GABRA5: variants seen among roughly 807,000 people sequenced by gnomAD.
GABRA5 encodes the protein gamma-aminobutyric acid type A receptor subunit alpha5.
A neutral mutation model predicts 47.3 loss-of-function variants in GABRA5; 18 were observed. The ratio of observed to expected loss-of-function variants is 0.38; its 90% CI spans 0.26 to 0.56. The LOEUF (loss-of-function observed/expected upper bound fraction) is 0.56, where lower values mean the gene tolerates loss of function less well. Among genes scored for constraint, GABRA5 ranks in the 20% least tolerant of loss-of-function variants. GABRA5 has a pLI of 0.71. For synonymous variants in GABRA5, 237 were observed against 229.3 expected, an observed-to-expected ratio of 1.03 and a Z score of -0.30; for missense variants, 365 against 599.3, an observed-to-expected ratio of 0.61 and a Z score of 4.08.
intron 6 of GABRA5, among the ~76,000 whole-genome samples, chr15:26,897,475 T>G (rs1405800379): frequency 2.0e-5 from 3 of 152,108 alleles, no homozygotes; most frequent in African/African-American, 7.2e-5. Flanking sequence ...GGAAAATACA[T>G]GTCTGTAGTT....
intron 3 of GABRA5, among the ~76,000 whole-genome samples, chr15:26,874,079 T>C (rs549698705): frequency 6.6e-6 from 1 of 152,240 alleles, no homozygotes; most frequent in African/African-American, 2.4e-5. Context: ...CGGGAGTGAG[T>C]CACCGACTCC....
chr15:26,938,638 A>C (rs1894304057), intron 8 of GABRA5, among the ~76,000 whole-genome samples: 1 of 152,172 alleles, frequency 6.6e-6, no homozygotes, highest in African/African-American at 2.4e-5. Context: ...ACCAGTAGAG[A>C]TCCAGTCCTT....
chr15:26,927,649 T>C (rs1290359017), intron 7 of GABRA5, among the ~76,000 whole-genome samples: 1 of 152,218 alleles, frequency 6.6e-6, no homozygotes, highest in Non-Finnish European at 1.5e-5. Flanking sequence ...TCAACAAAGT[T>C]TTTTTCTTAC....
At chr15:26,926,509 G>A (rs1271506894) in intron 7 of GABRA5, among the ~76,000 whole-genome samples, 2 of 152,212 alleles carry the variant, frequency 1.3e-5, no homozygotes, top group East Asian at 1.9e-4. Flanking sequence ...AATGGAAAGG[G>A]ACTATCTCTG....
intron 9 of GABRA5, among the ~76,000 whole-genome samples, chr15:26,941,950 G>C (rs947387272): frequency 4.6e-5 from 7 of 152,214 alleles, no homozygotes; most frequent in African/African-American, 1.7e-4. Context: ...TAGAGTACTG[G>C]AGGTTAGGAC....
Position 26,883,062 on chromosome 15 carries a change from C to T in GABRA5, c.209-104C>T. 3.3e-6 allele frequency: 3 copies of T among 904,648 alleles called. No individual in the cohort carries two copies. Among genetic ancestry groups the T allele is most frequent in the Non-Finnish European group, 5.6e-6 (3 of 536,320 alleles). 56.0% of individuals were successfully genotyped at this position (904,648 alleles called of 1,614,324 possible). On this transcript the variant is annotated intron_variant, in intron 4 of 10. Transcript: ENST00000335625. The surrounding 1 kb of genome is among the most constrained non-coding windows in gnomAD (Gnocchi z 4.8). ...ATTTACCAAACGCACTGCAAAAGCC[C>T]CCGGTTGCAGAGGGTGACCCTGGTT... is the stretch of plus-strand genomic sequence containing the variant.
intron 7 of GABRA5, among the ~76,000 whole-genome samples, chr15:26,919,375 T>C (rs1335998495): frequency 6.6e-6 from 1 of 152,176 alleles, no homozygotes; most frequent in African/African-American, 2.4e-5. Context: ...TTGATATGCT[T>C]TGATTCCTTT....
upstream of GABRA5, chr15:26,867,017 G>C (rs2140236559): frequency 6.6e-6 from 1 of 152,394 alleles, no homozygotes; most frequent in East Asian, 1.9e-4. This position sits in a 1 kb window ranked among gnomAD's most constrained non-coding sequence, Gnocchi z 5.9. Context: ...GCTCGGCCAA[G>C]GGCGCATTTG....
chr15:26,876,345 G>A (rs781771160), intron 3 of GABRA5, among the ~76,000 whole-genome samples: 4 of 152,172 alleles, frequency 2.6e-5, no homozygotes, highest in Non-Finnish European at 4.4e-5. Flanking sequence ...ACAGTCGGAG[G>A]TTAAGTGCAC....
intron 3 of GABRA5, among the ~76,000 whole-genome samples, chr15:26,871,371 G>T (rs1156706815): frequency 1.3e-5 from 2 of 152,148 alleles, no homozygotes; most frequent in Non-Finnish European, 2.9e-5. Context: ...TTCTTATTTA[G>T]TTCTGTAGCT....
At chr15:26,869,134 C>T in intron 2 of GABRA5, 41 bp from the exon 3 acceptor site, 1 of 717,800 alleles carries the variant, frequency 1.4e-6, no homozygotes, top group Non-Finnish European at 2.6e-6. Flanking sequence ...GACACAACAG[C>T]ATTGATGTTC....
At chr15:26,908,803 C>T (rs1893509161) in intron 6 of GABRA5, among the ~76,000 whole-genome samples, 1 of 152,134 alleles carries the variant, frequency 6.6e-6, no homozygotes, top group African/African-American at 2.4e-5. Flanking sequence ...AGCTAGGATG[C>T]CTCACATGAG....
At chr15:26,921,657 T>A (rs1893846170) in intron 7 of GABRA5, among the ~76,000 whole-genome samples, 1 of 151,838 alleles carries the variant, frequency 6.6e-6, no homozygotes, top group Admixed American at 6.6e-5. Context: ...TTGCATTTCT[T>A]TTTTGTAGAT....
intron 8 of GABRA5, among the ~76,000 whole-genome samples, chr15:26,938,221 G>C (rs574026368): frequency 1.3e-5 from 2 of 152,156 alleles, no homozygotes; most frequent in Non-Finnish European, 2.9e-5. Context: ...GGGCCTGCGC[G>C]CTGGGCATCC....
At chr15:26,940,396 T>C (rs1378753872) in intron 9 of GABRA5, among the ~76,000 whole-genome samples, 2 of 152,190 alleles carry the variant, frequency 1.3e-5, no homozygotes, top group Admixed American at 1.3e-4. Flanking sequence ...GCATTCCTTA[T>C]CCCAAATGCT....
chr15:26,925,856 A>G (rs923335133), intron 7 of GABRA5, among the ~76,000 whole-genome samples: 2 of 152,190 alleles, frequency 1.3e-5, no homozygotes, highest in African/African-American at 4.8e-5. Flanking sequence ...TCCTTGTGGC[A>G]GGCAAGCCCT....
intron 3 of GABRA5, among the ~76,000 whole-genome samples, chr15:26,873,773 T>C (rs1892526624): frequency 6.6e-6 from 1 of 152,142 alleles, no homozygotes; most frequent in African/African-American, 2.4e-5. Context: ...ATGATAACAA[T>C]TCTGAAAGCA....
intron 7 of GABRA5, among the ~76,000 whole-genome samples, chr15:26,924,585 G>T (rs982442328): frequency 6.6e-6 from 1 of 152,112 alleles, no homozygotes; most frequent in African/African-American, 2.4e-5. Flanking sequence ...AGGAATCAAC[G>T]TCCTGGCCCC....
At chr15:26,872,575 A>G (rs1174817650) in intron 3 of GABRA5, among the ~76,000 whole-genome samples, 5 of 152,148 alleles carry the variant, frequency 3.3e-5, no homozygotes, top group Admixed American at 6.5e-5. Flanking sequence ...GTCTGGGTCA[A>G]CTCAGTTTAT....
Sources: allele counts gnomAD v4.1 joint callset (sites outside exome capture counted in the v4.1 genomes callset), GRCh38; gene constraint gnomAD v4.1.1; non-coding constraint Gnocchi (gnomAD v3.1); transcripts MANE v1.5; gene names NCBI Gene and HGNC (gene_info 2026-07-23, HGNC 2026-07-21).